The following FRMD5 variants were observed in gnomAD, a reference collection of about 807,000 sequenced individuals.
FRMD5 encodes FERM domain-containing protein 5.
Under a neutral mutation model 69.0 loss-of-function variants are expected in FRMD5, and 20 were observed. The observed-to-expected ratio is 0.29, with a 90% CI of 0.20 to 0.42. FRMD5 has a LOEUF of 0.42. Among genes scored for constraint, FRMD5 ranks in the 10% least tolerant of loss-of-function variants. FRMD5 has a pLI of 1.00. For missense variants in FRMD5, 595 were observed against 708.6 expected, an observed-to-expected ratio of 0.84 and a Z score of 1.82; for synonymous variants, 271 against 260.1, an observed-to-expected ratio of 1.04 and a Z score of -0.40.
chr15:43,873,849 T>G lies in FRMD5; in HGVS notation c.*36A>C, dbSNP rs2088234311. On this transcript the variant is annotated 3_prime_UTR_variant, in exon 14 of 14. Transcript: ENST00000417257. ...GGGAATGGGTAGCCGGGTTCCTTGG[T>G]CCACCTGGCTAGTTTTTGGGAGGAG... The G allele has an allele frequency of 6.2e-7, 1 of 1,606,890 alleles. No homozygotes were observed. The highest frequency in any genetic ancestry group is 1.3e-5 in the African/African-American group (1 of 74,732).
chr15:44,105,465 G>A (rs899009554), intron 1 of FRMD5, among the ~76,000 whole-genome samples: 3 of 152,094 alleles, frequency 2.0e-5, no homozygotes, highest in Non-Finnish European at 4.4e-5. Context: ...TGACCAAGGC[G>A]CTAACTTACT....
intron 1 of FRMD5, among the ~76,000 whole-genome samples, chr15:44,023,566 CAACTT>C (rs1229910363): frequency 3.3e-5 from 5 of 152,160 alleles, no homozygotes; most frequent in Non-Finnish European, 7.4e-5. Context: ...AAGCTCCTCT[CAACTT>C]AAACGTCTAG....
chr15:44,183,427 C>T (rs1299797385), intron 1 of FRMD5, among the ~76,000 whole-genome samples: 1 of 152,172 alleles, frequency 6.6e-6, no homozygotes. Flanking sequence ...GTAAAACCTA[C>T]ACAAGTTGGT....
At chr15:44,131,306 T>C (rs2140419549) in intron 1 of FRMD5, among the ~76,000 whole-genome samples, 1 of 152,058 alleles carries the variant, frequency 6.6e-6, no homozygotes, top group South Asian at 2.1e-4. Context: ...ATAACAAGTG[T>C]TGGTGAGGAT....
At chr15:44,000,313 T>C (rs1442506041) in intron 1 of FRMD5, among the ~76,000 whole-genome samples, 1 of 152,012 alleles carries the variant, frequency 6.6e-6, no homozygotes, top group African/African-American at 2.4e-5. Context: ...GTCCATTCTT[T>C]TGTGAATGAA....
At chr15:44,004,093 C>T (rs919613681) in intron 1 of FRMD5, among the ~76,000 whole-genome samples, 1 of 152,206 alleles carries the variant, frequency 6.6e-6, no homozygotes, top group African/African-American at 2.4e-5. Context: ...GATTTTTAAT[C>T]TATAATAGCA....
At chr15:44,163,307 GTC>G (rs2077654662) in intron 1 of FRMD5, among the ~76,000 whole-genome samples, 1 of 152,182 alleles carries the variant, frequency 6.6e-6, no homozygotes, top group Non-Finnish European at 1.5e-5. Flanking sequence ...TATTCAATGT[GTC>G]TACTTCTTCA....
intron 1 of FRMD5, among the ~76,000 whole-genome samples, chr15:44,166,783 CAAAAAAA>C (rs1006711939): frequency 0.027 from 1,423 of 53,020 alleles, 23 homozygotes; most frequent in Middle Eastern, 0.077. Context: ...GACCCTATCT[CAAAAAAA>C]AAAAAAAAAA....
intron 1 of FRMD5, among the ~76,000 whole-genome samples, chr15:44,091,647 A>T (rs1048924987): frequency 6.6e-6 from 1 of 152,196 alleles, no homozygotes; most frequent in Admixed American, 6.6e-5. Context: ...AAGTTCCAGA[A>T]GGAGGTATAT....
intron 1 of FRMD5, among the ~76,000 whole-genome samples, chr15:44,132,766 T>TATG (rs1566963045): frequency 2.5e-4 from 36 of 143,244 alleles, no homozygotes; most frequent in African/African-American, 3.6e-4. Context: ...ATGTATGTAT[T>TATG]TATTTTTTTG....
At chr15:43,937,286 T>C (rs765478316) in intron 1 of FRMD5, among the ~76,000 whole-genome samples, 1 of 152,154 alleles carries the variant, frequency 6.6e-6, no homozygotes, top group African/African-American at 2.4e-5. Flanking sequence ...GCCTTATCAT[T>C]TGTCACAGGT....
chr15:44,076,199 G>A (rs1257754253), intron 1 of FRMD5, among the ~76,000 whole-genome samples: 1 of 152,032 alleles, frequency 6.6e-6, no homozygotes, highest in African/African-American at 2.4e-5. Context: ...TTCAACCATT[G>A]TGGAAGTCAG....
intron 1 of FRMD5, among the ~76,000 whole-genome samples, chr15:44,127,178 G>A (rs1239533627): frequency 6.6e-6 from 1 of 152,150 alleles, no homozygotes; most frequent in Non-Finnish European, 1.5e-5. Context: ...CACCTCCCAG[G>A]CTCAAGGAAG....
At chr15:43,919,171 A>G in intron 4 of FRMD5, 1 of 518,696 alleles carries the variant, frequency 1.9e-6, no homozygotes, top group African/African-American at 1.9e-5. Flanking sequence ...ATCATAGGTA[A>G]AAGAAAAGAC....
At chr15:43,903,008 G>A (rs2089083891) in intron 6 of FRMD5, among the ~76,000 whole-genome samples, 1 of 152,202 alleles carries the variant, frequency 6.6e-6, no homozygotes, top group Non-Finnish European at 1.5e-5. Flanking sequence ...TCTGTCCATA[G>A]GGTGATGACC....
chr15:43,969,431 A>G (rs962737414), intron 1 of FRMD5, among the ~76,000 whole-genome samples: 7 of 152,080 alleles, frequency 4.6e-5, no homozygotes, highest in Admixed American at 6.6e-5. Context: ...ATGCACATTC[A>G]TTCATTCATT....
intron 1 of FRMD5, among the ~76,000 whole-genome samples, chr15:43,973,726 C>A (rs2090423002): frequency 6.6e-6 from 1 of 151,996 alleles, no homozygotes; most frequent in African/African-American, 2.4e-5. Context: ...TATACTGCAG[C>A]ATTATAATAC....
chr15:43,884,982 T>C (rs1449428105), intron 11 of FRMD5, 187 bp from the exon 12 acceptor site: 1 of 551,086 alleles, frequency 1.8e-6, no homozygotes. Flanking sequence ...CATGACAGCC[T>C]ATCTGAGAGA....
intron 1 of FRMD5, among the ~76,000 whole-genome samples, chr15:44,037,992 C>G (rs1164597581): frequency 6.6e-6 from 1 of 152,166 alleles, no homozygotes; most frequent in Non-Finnish European, 1.5e-5. Flanking sequence ...GATTGCCATT[C>G]TAACTGGTGT....
Sources: gnomAD v4.1 joint callset for allele counts (sites outside exome capture counted in the v4.1 genomes callset) on GRCh38, gnomAD v4.1.1 for gene constraint, MANE v1.5 for transcripts, NCBI Gene and HGNC (gene_info 2026-07-23, HGNC 2026-07-21) for gene names.